The following SYN3 variants were observed in gnomAD, a reference collection of about 807,000 sequenced individuals.
The protein encoded by SYN3 is synapsin-3.
A neutral mutation model predicts 65.8 loss-of-function variants in SYN3; 35 were observed. That is an observed-to-expected ratio of 0.53 (90% CI 0.41 to 0.70). SYN3 has a LOEUF of 0.70. Among genes scored for constraint, SYN3 ranks in the 30% least tolerant of loss-of-function variants. The pLI is 0.00. For synonymous variants in SYN3, 270 were observed against 292.9 expected, an observed-to-expected ratio of 0.92 and a Z score of 0.80; for missense variants, 680 against 749.0, an observed-to-expected ratio of 0.91 and a Z score of 1.08.
intron 2 of SYN3, among the ~76,000 whole-genome samples, chr22:32,989,775 C>T (rs984829798): frequency 2.1e-5 from 3 of 140,350 alleles, no homozygotes; most frequent in Non-Finnish European, 4.6e-5. Flanking sequence ...GCGGAGGTTG[C>T]AGTGAGCCAA....
At chr22:32,977,835 A>T (rs926562546) in intron 3 of SYN3, among the ~76,000 whole-genome samples, 2 of 152,084 alleles carry the variant, frequency 1.3e-5, no homozygotes, top group African/African-American at 4.8e-5. Flanking sequence ...TCATCCTGCA[A>T]ATATTTCCTT....
intron 6 of SYN3, among the ~76,000 whole-genome samples, chr22:32,618,085 C>T (rs553840950): frequency 1.2e-4 from 19 of 152,242 alleles, no homozygotes; most frequent in Middle Eastern, 3.4e-3. Context: ...CCTGGCATGA[C>T]GCCTGGTAAT....
chr22:32,767,190 C>T (rs2145752196), intron 6 of SYN3, among the ~76,000 whole-genome samples: 1 of 152,330 alleles, frequency 6.6e-6, no homozygotes. Flanking sequence ...CCTCTGCCCA[C>T]AAGCACACTT....
chr22:32,570,613 C>T (rs540056678), intron 7 of SYN3, among the ~76,000 whole-genome samples: 1 of 151,972 alleles, frequency 6.6e-6, no homozygotes, highest in Non-Finnish European at 1.5e-5. Context: ...GAAGTGTGCT[C>T]TGAGTATGCC....
chr22:32,769,346 T>C (rs2045707351), intron 6 of SYN3, among the ~76,000 whole-genome samples: 1 of 152,216 alleles, frequency 6.6e-6, no homozygotes, highest in Non-Finnish European at 1.5e-5. Context: ...ATTTCAGCTC[T>C]TGTTTTACTT....
intron 3 of SYN3, among the ~76,000 whole-genome samples, chr22:32,964,544 C>A (rs1178899726): frequency 6.6e-6 from 1 of 151,896 alleles, no homozygotes; most frequent in African/African-American, 2.4e-5. Flanking sequence ...TCTGGCTGGG[C>A]AACAGGTGAG....
intron 3 of SYN3, among the ~76,000 whole-genome samples, chr22:32,943,662 A>G (rs1478813334): frequency 6.6e-6 from 1 of 152,234 alleles, no homozygotes; most frequent in East Asian, 1.9e-4. Context: ...CAAATTGGAT[A>G]AAGAGTCAAG....
At chr22:32,851,357 G>A (rs371099022) in intron 6 of SYN3, among the ~76,000 whole-genome samples, 7 of 152,164 alleles carry the variant, frequency 4.6e-5, no homozygotes, top group African/African-American at 1.4e-4. Flanking sequence ...AGGGCCTGGA[G>A]ACCAGGGTGA....
chr22:32,901,829 C>T (rs1031676312), intron 4 of SYN3, among the ~76,000 whole-genome samples: 2 of 152,240 alleles, frequency 1.3e-5, no homozygotes, highest in African/African-American at 4.8e-5. Context: ...AACCCAAGGG[C>T]CACATGGCCT....
At chr22:32,988,921 G>A (rs761422364) in intron 2 of SYN3, among the ~76,000 whole-genome samples, 16 of 152,146 alleles carry the variant, frequency 1.1e-4, no homozygotes, top group Non-Finnish European at 1.8e-4. Flanking sequence ...TGAGTTGGCA[G>A]CTCTGGCACC....
Position 32,518,121 on chromosome 22 carries a change from C to T in SYN3, c.1532G>A (p.Arg511Gln), listed in dbSNP as rs778059420. Residue 511 changes from arginine (R) to glutamine (Q), a missense_variant, in exon 13 of 14, where the codon CGG becomes CAG. By Grantham distance (43) the Arg-to-Gln change is conservative. Coordinates refer to ENST00000358763, the MANE Select transcript of SYN3 (RefSeq NM_003490.4). ...KPGATLASQP[R>Q]PPVQGRSTSQ... ...GGTACTACGGCCCTGCACAGGGGGCCGGGGCTGTGAGGCGAGGGTGGCACC... is the reference window on the plus strand; with the variant it reads ...GGTACTACGGCCCTGCACAGGGGGCTGGGGCTGTGAGGCGAGGGTGGCACC... 2.4e-5 allele frequency: 38 copies of T among 1,599,508 alleles called. 1 individual carries two copies. The highest frequency in any genetic ancestry group is 1.7e-4 in the Middle Eastern group (1 of 5,990).
chr22:32,919,361 T>C (rs1444761182), intron 4 of SYN3, among the ~76,000 whole-genome samples: 3 of 152,240 alleles, frequency 2.0e-5, no homozygotes, highest in East Asian at 3.8e-4. Flanking sequence ...TGCTTACTTA[T>C]TGATTGTTTT....
intron 6 of SYN3, among the ~76,000 whole-genome samples, chr22:32,760,044 G>T (rs1440298580): frequency 2.7e-4 from 12 of 44,860 alleles, no homozygotes; most frequent in Non-Finnish European, 3.6e-4. Context: ...CCCCCAGCCA[G>T]CACCCACCCA....
At chr22:32,929,062 C>T (rs2050557539) in intron 4 of SYN3, among the ~76,000 whole-genome samples, 1 of 152,158 alleles carries the variant, frequency 6.6e-6, no homozygotes, top group Non-Finnish European at 1.5e-5. Flanking sequence ...GCCGGGGGAT[C>T]TCCTCAGGTC....
chr22:32,750,242 G>A (rs191889544), intron 6 of SYN3, among the ~76,000 whole-genome samples: 4 of 152,346 alleles, frequency 2.6e-5, no homozygotes, highest in African/African-American at 9.6e-5. Flanking sequence ...ATGGGTTCAA[G>A]TTTCAACAGT....
At chr22:32,615,015 T>TA (rs2059495905) in intron 6 of SYN3, among the ~76,000 whole-genome samples, 1 of 150,472 alleles carries the variant, frequency 6.6e-6, no homozygotes, top group Admixed American at 6.6e-5. Flanking sequence ...AATTGGAAAG[T>TA]AAAAAATTAC....
At chr22:32,777,729 T>G (rs2045943497) in intron 6 of SYN3, among the ~76,000 whole-genome samples, 1 of 152,236 alleles carries the variant, frequency 6.6e-6, no homozygotes, top group South Asian at 2.1e-4. Flanking sequence ...TTCTTGCTTA[T>G]GATTTTTGTC....
chr22:32,843,634 A>G (rs1475417784), intron 6 of SYN3, among the ~76,000 whole-genome samples: 1 of 152,070 alleles, frequency 6.6e-6, no homozygotes, highest in Non-Finnish European at 1.5e-5. Flanking sequence ...GTGTGTTTTC[A>G]TGGGTAGGGC....
intron 6 of SYN3, among the ~76,000 whole-genome samples, chr22:32,759,023 A>G (rs2045377223): frequency 1.3e-5 from 2 of 151,910 alleles, no homozygotes; most frequent in Admixed American, 6.6e-5. Flanking sequence ...AGGACCATTA[A>G]CCACATCATT....
Sources: gnomAD v4.1 joint callset for allele counts (sites outside exome capture counted in the v4.1 genomes callset) on GRCh38, gnomAD v4.1.1 for gene constraint, MANE v1.5 for transcripts, NCBI Gene and HGNC (gene_info 2026-07-23, HGNC 2026-07-21) for gene names.